Variants in EPHA6 observed in about 807,000 individuals in gnomAD.
EPHA6 encodes the protein EPH receptor A6, also known as ephrin type-A receptor 6.
A neutral mutation model predicts 112.0 loss-of-function variants in EPHA6; 50 were observed. The observed-to-expected ratio is 0.45, with a 90% confidence interval of 0.36 to 0.56. The LOEUF is 0.56. EPHA6 is among the 20% of genes least tolerant of loss of function. The pLI is 0.00. For missense variants in EPHA6, 1,280 were observed against 1,417.4 expected, an observed-to-expected ratio of 0.90 and a Z score of 1.56; for synonymous variants, 529 against 490.7, an observed-to-expected ratio of 1.08 and a Z score of -1.03.
chr3:97,693,807 C>G (rs1223576314), intron 14 of EPHA6, among the ~76,000 whole-genome samples: 1 of 151,222 alleles, frequency 6.6e-6, no homozygotes, highest in Admixed American at 6.6e-5. Context: ...GACTCTGTCT[C>G]AAAATAAAAA....
intron 5 of EPHA6, among the ~76,000 whole-genome samples, chr3:97,284,122 G>A (rs765478689): frequency 6.6e-6 from 1 of 151,954 alleles, no homozygotes; most frequent in African/African-American, 2.4e-5. Flanking sequence ...TATCAAAAAT[G>A]TATTTTTCTA....
chr3:97,112,529 G>A (rs2047754132), intron 3 of EPHA6, among the ~76,000 whole-genome samples: 2 of 152,036 alleles, frequency 1.3e-5, no homozygotes, highest in Non-Finnish European at 2.9e-5. Flanking sequence ...AAATTTTGTT[G>A]TTTCAAAGGT....
intron 3 of EPHA6, among the ~76,000 whole-genome samples, chr3:97,206,720 CATT>C: frequency 6.6e-6 from 1 of 152,000 alleles, no homozygotes; most frequent in East Asian, 1.9e-4. Flanking sequence ...GGTTTATACT[CATT>C]ATCTCTTCAG....
At chr3:97,476,039 G>A (rs1046133273) in intron 8 of EPHA6, among the ~76,000 whole-genome samples, 4 of 151,956 alleles carry the variant, frequency 2.6e-5, no homozygotes, top group Admixed American at 6.6e-5. Context: ...TTTTATACAG[G>A]TTTGATACAA....
At chr3:97,500,815 G>A (rs2092099096) in intron 10 of EPHA6, among the ~76,000 whole-genome samples, 1 of 152,022 alleles carries the variant, frequency 6.6e-6, no homozygotes. Context: ...TAATTAATCA[G>A]TTCAATAAGG....
chr3:96,922,112 G>A (rs905696096), intron 2 of EPHA6, among the ~76,000 whole-genome samples: 1 of 152,006 alleles, frequency 6.6e-6, no homozygotes, highest in African/African-American at 2.4e-5. Context: ...AAAAATATTA[G>A]CTATTGTACC....
At chr3:97,444,880 A>G (rs2090276926) in intron 6 of EPHA6, among the ~76,000 whole-genome samples, 1 of 152,092 alleles carries the variant, frequency 6.6e-6, no homozygotes, top group Non-Finnish European at 1.5e-5. Flanking sequence ...CAGGTAAACG[A>G]AAGATTCAGT....
chr3:97,050,470 T>C (rs2045649789), intron 3 of EPHA6, among the ~76,000 whole-genome samples: 1 of 152,172 alleles, frequency 6.6e-6, no homozygotes, highest in Non-Finnish European at 1.5e-5. Flanking sequence ...TAGAAGAGAA[T>C]GTGAAAGATA....
chr3:97,195,185 T>C (rs1219154921), intron 3 of EPHA6, among the ~76,000 whole-genome samples: 1 of 152,036 alleles, frequency 6.6e-6, no homozygotes, highest in Non-Finnish European at 1.5e-5. Flanking sequence ...TTTATAGAGA[T>C]GATTTTCTCT....
At chr3:97,148,749 C>G (rs1473760499) in intron 3 of EPHA6, among the ~76,000 whole-genome samples, 1 of 151,942 alleles carries the variant, frequency 6.6e-6, no homozygotes, top group Non-Finnish European at 1.5e-5. Flanking sequence ...TATTATGGAC[C>G]ATTTTCAATT....
chr3:97,288,783 AT>A (rs1179161951), intron 5 of EPHA6, among the ~76,000 whole-genome samples: 1 of 131,298 alleles, frequency 7.6e-6, no homozygotes, highest in Admixed American at 1.0e-4. Flanking sequence ...CTGGTGTAAC[AT>A]AGTATCTCAT....
chr3:97,178,251 C>A (rs1004225915), intron 3 of EPHA6, among the ~76,000 whole-genome samples: 1 of 152,164 alleles, frequency 6.6e-6, no homozygotes, highest in Admixed American at 6.5e-5. Flanking sequence ...TAACTTTTAT[C>A]ACACTGCTTT....
At position 97,043,288 on chromosome 3, in the gene EPHA6, T is replaced by C. The variant is rs564362047; in HGVS notation, c.1114+55295T>C. On this transcript the variant is annotated intron_variant, in intron 3 of 17. Transcript: ENST00000389672. Reference sequence around the variant, plus strand: ...GCTCCACACACAGACCAACTCTCCCTTGATAGGGACAGGTAGTCAGCTGTA... The same window carrying C: ...GCTCCACACACAGACCAACTCTCCCCTGATAGGGACAGGTAGTCAGCTGTA... Among the ~76,000 whole-genome samples, 3 of 152,196 alleles carry C rather than the reference T, an allele frequency of 2.0e-5. No homozygotes were observed. In the South Asian group the frequency reaches 6.2e-4, roughly 32 times the overall value.
intron 1 of EPHA6, among the ~76,000 whole-genome samples, chr3:96,863,704 C>T (rs1371834172): frequency 6.6e-6 from 1 of 151,884 alleles, no homozygotes; most frequent in Non-Finnish European, 1.5e-5. Flanking sequence ...ACTATGAATA[C>T]TGAGAACAAA....
chr3:97,231,780 G>A (rs1206927946), intron 4 of EPHA6, among the ~76,000 whole-genome samples: 1 of 152,148 alleles, frequency 6.6e-6, no homozygotes, highest in South Asian at 2.1e-4. Context: ...TAATCCCTAG[G>A]AGCTGCCCTC....
chr3:97,371,957 T>C (rs945839363), intron 5 of EPHA6, among the ~76,000 whole-genome samples: 1 of 152,152 alleles, frequency 6.6e-6, no homozygotes, highest in East Asian at 1.9e-4. Flanking sequence ...TTGTCTGCTC[T>C]CAAACGCTCT....
At chr3:97,238,763 G>A (rs2078755129) in intron 4 of EPHA6, among the ~76,000 whole-genome samples, 1 of 151,824 alleles carries the variant, frequency 6.6e-6, no homozygotes, top group Non-Finnish European at 1.5e-5. Flanking sequence ...TGAAGGGTGA[G>A]TAGGAATTTT....
At chr3:97,343,891 G>A (rs2083423113) in intron 5 of EPHA6, among the ~76,000 whole-genome samples, 1 of 152,112 alleles carries the variant, frequency 6.6e-6, no homozygotes, top group Non-Finnish European at 1.5e-5. Flanking sequence ...ATAAGACCAA[G>A]CATTGAGAGA....
chr3:97,557,264 C>T (rs2093124931), intron 11 of EPHA6, among the ~76,000 whole-genome samples: 1 of 151,976 alleles, frequency 6.6e-6, no homozygotes, highest in Non-Finnish European at 1.5e-5. Flanking sequence ...TTAGCTGTAT[C>T]TGCTGGGTAT....
Sources: gnomAD v4.1 joint callset for allele counts (sites outside exome capture counted in the v4.1 genomes callset) on GRCh38, gnomAD v4.1.1 for gene constraint, MANE v1.5 for transcripts, NCBI Gene and HGNC (gene_info 2026-07-23, HGNC 2026-07-21) for gene names.